COL7A1: variants seen among roughly 807,000 people sequenced by gnomAD.
COL7A1 encodes collagen type VII alpha 1 chain.
Under a neutral mutation model 456.2 loss-of-function variants are expected in COL7A1, and 296 were observed. The observed-to-expected ratio is 0.65, with a 90% CI of 0.59 to 0.71. The LOEUF (loss-of-function observed/expected upper bound fraction) is 0.71, where lower values mean the gene tolerates loss of function less well. Ranked by LOEUF, COL7A1 falls within the 30% of genes least tolerant of loss-of-function variation. COL7A1 has a pLI of 0.00. For synonymous variants in COL7A1, 1,464 were observed against 1,525.9 expected, an observed-to-expected ratio of 0.96 and a Z score of 0.95; for missense variants, 3,441 against 4,017.2, an observed-to-expected ratio of 0.86 and a Z score of 3.88.
At chr3:48,577,647 G>A (rs1415819876) in intron 65 of COL7A1, among the ~76,000 whole-genome samples, 2 of 152,214 alleles carry the variant, frequency 1.3e-5, no homozygotes, top group Admixed American at 6.5e-5. Flanking sequence ...TTGGGTCCAT[G>A]TCTTAGCACA....
At position 48,580,826 on chromosome 3, in the gene COL7A1, A is replaced by C. The variant is rs1575456096; in HGVS notation, c.4980+56T>G. 6.2e-7 allele frequency: 1 copy of C among 1,610,290 alleles called. No individual in the cohort carries two copies. Among genetic ancestry groups the C allele is most frequent in the East Asian group, 2.2e-5 (1 of 44,854 alleles). On this transcript the variant is annotated intron_variant, in intron 54 of 118. Transcript: ENST00000681320. The surrounding 1 kb of genome is among the most constrained non-coding windows in gnomAD (Gnocchi z 4.5). ...CCCCTTACCCCCCTCAGCCTTTCCTATCACCTTCATGCCCACCTCCCATCA... is the reference window on the plus strand; with the variant it reads ...CCCCTTACCCCCCTCAGCCTTTCCTCTCACCTTCATGCCCACCTCCCATCA...
At position 48,569,626 on chromosome 3, in the gene COL7A1, C is replaced by T. The variant is rs906208330; in HGVS notation, c.7580G>A (p.Gly2527Glu). Residue 2527 changes from glycine to glutamate, a missense_variant, in exon 102 of 119, where the codon GGG becomes GAG. By Grantham distance (98) the Gly-to-Glu change is moderately conservative. Coordinates refer to ENST00000681320, the MANE Select transcript of COL7A1 (RefSeq NM_000094.4). The surrounding 1 kb of genome is among the most constrained non-coding windows in gnomAD (Gnocchi z 4.9). ...CTTGGCACCCCGTGGGCCTGGAGGC[C>T]CCAGGATCACAGCTGAGTCTCCCTG... ...GDKGDSAVIL[G>E]PPGPRGAKGD... 7 of 1,613,720 alleles carry T rather than the reference C, an allele frequency of 4.3e-6. No individual in the cohort carries two copies. The highest frequency in any genetic ancestry group is 1.1e-5 in the South Asian group (1 of 91,092).
chr3:48,582,442 A>C, intron 46 of COL7A1, 36 bp downstream of exon 46: 1 of 1,614,100 alleles, frequency 6.2e-7, no homozygotes, highest in Non-Finnish European at 8.5e-7. Flanking sequence ...CCACATCCCT[A>C]GTACCAGACA....
In COL7A1 at chr3:48,570,120, C is replaced by G; in HGVS notation, c.7485+14G>C. On this transcript the variant is annotated intron_variant, in intron 99 of 118. Coordinates refer to ENST00000681320, the MANE Select transcript of COL7A1 (RefSeq NM_000094.4). The surrounding 1 kb of genome is among the most constrained non-coding windows in gnomAD (Gnocchi z 5.5). ...TGAAGTCACAGCACTGTCACTTTCC[C>G]CAGCGGGACCCACCGTGAGTCCTCG... The G allele has an allele frequency of 6.8e-6, 11 of 1,614,084 alleles. No homozygotes were observed. Among genetic ancestry groups the G allele is most frequent in the Non-Finnish European group, 9.3e-6 (11 of 1,179,994 alleles).
chr3:48,580,249 C>T lies in COL7A1; in HGVS notation c.5097+51G>A, dbSNP rs754250736. On this transcript the variant is annotated intron_variant, in intron 56 of 118. Coordinates refer to ENST00000681320, the MANE Select transcript of COL7A1 (RefSeq NM_000094.4). The surrounding 1 kb of genome is among the most constrained non-coding windows in gnomAD (Gnocchi z 4.5). ...TTGTGTGAAGGCACACTGGCAGCAG[C>T]GCCAGGGGACCCTCCATCCCTTCTG... 2.1e-5 allele frequency: 33 copies of T among 1,594,700 alleles called. No homozygotes were observed. The highest frequency in any genetic ancestry group is 5.1e-5 in the Admixed American group (3 of 58,376).
Position 48,594,552 on chromosome 3 carries a change from G to T in COL7A1, c.86-4C>A. ...GCGTAAAGGCGCGTGCAGGTCACTG[G>T]GGCGGGCAGGAGAGATCAGGGCCTC... On this transcript the variant is annotated splice_polypyrimidine_tract_variant and splice_region_variant and intron_variant, in intron 2 of 118. Transcript: ENST00000681320. This position sits in a 1 kb window ranked among gnomAD's most constrained non-coding sequence, Gnocchi z 5.5. 4 of 1,581,326 alleles carry T rather than the reference G, an allele frequency of 2.5e-6. No homozygotes were observed. Among genetic ancestry groups the T allele is most frequent in the East Asian group, 4.7e-5 (2 of 42,966 alleles).
In COL7A1 at chr3:48,581,852, G is replaced by A. The variant is rs924160907; in HGVS notation, c.4668+59C>T. Reference sequence around the variant, plus strand: ...GTGACCCCCCAAGTCCCATAGATAGGCCCTATGACCTAGACCTCAACCCTG... The same window carrying A: ...GTGACCCCCCAAGTCCCATAGATAGACCCTATGACCTAGACCTCAACCCTG... On this transcript the variant is annotated intron_variant, in intron 48 of 118. Coordinates refer to ENST00000681320, the MANE Select transcript of COL7A1 (RefSeq NM_000094.4). This position sits in a 1 kb window ranked among gnomAD's most constrained non-coding sequence, Gnocchi z 5.8. The A allele has an allele frequency of 6.2e-7, 1 of 1,612,952 alleles. No individual in the cohort carries two copies. The highest frequency in any genetic ancestry group is 1.7e-5 in the Admixed American group (1 of 60,016).
rs1230676159 is a variant in COL7A1, at chr3:48,583,203, GA to G, written c.4438-33del. On this transcript the variant is annotated intron_variant, in intron 42 of 118. Coordinates refer to ENST00000681320, the MANE Select transcript of COL7A1 (RefSeq NM_000094.4). This position sits in a 1 kb window ranked among gnomAD's most constrained non-coding sequence, Gnocchi z 5.1. ...AGAGAGGGTGAGAGAAAGACAGAGAGAGAGAGGGTTGGTGGCGGGGCTTGAA... is the reference window on the plus strand; with the variant it reads ...AGAGAGGGTGAGAGAAAGACAGAGAGGAGAGGGTTGGTGGCGGGGCTTGAA... The G allele has an allele frequency of 6.2e-7, 1 of 1,612,934 alleles. No individual in the cohort carries two copies. Among genetic ancestry groups the G allele is most frequent in the African/African-American group, 1.3e-5 (1 of 74,858 alleles).
chr3:48,567,506 G>C lies in COL7A1; in HGVS notation c.8046+68C>G. On this transcript the variant is annotated intron_variant, in intron 109 of 118. Transcript: ENST00000681320. This position sits in a 1 kb window ranked among gnomAD's most constrained non-coding sequence, Gnocchi z 4.3. Reference sequence around the variant, plus strand: ...GCCTTCCTTGTCCCTACACCCCCATGACCCGACCATGAGCTTCCCTGCCCC... The same window carrying C: ...GCCTTCCTTGTCCCTACACCCCCATCACCCGACCATGAGCTTCCCTGCCCC... 1 of 1,602,846 alleles carries C rather than the reference G, an allele frequency of 6.2e-7. No homozygotes were observed. Among genetic ancestry groups the C allele is most frequent in the South Asian group, 1.1e-5 (1 of 90,558 alleles).
In COL7A1 at chr3:48,586,185, C is replaced by T. The variant is rs762604188; in HGVS notation, c.3612G>A (p.Ala1204=). The stretch of plus-strand genomic sequence containing the variant: ...AGGTCTGGACAGAGTCCATACCCGG[C>T]GCCAAGCGACGCAGCTGCTCTGGGT... ...GADPEQLRRL[A]PGMDSVQTFF... The change falls in exon 28 of 119, where the codon GCG becomes GCA. Residue 1204 remains alanine, a synonymous_variant. Coordinates refer to ENST00000681320, the MANE Select transcript of COL7A1 (RefSeq NM_000094.4). This position sits in a 1 kb window ranked among gnomAD's most constrained non-coding sequence, Gnocchi z 5.1. 43 of 1,613,248 alleles carry T rather than the reference C, an allele frequency of 2.7e-5. No homozygotes were observed. Among genetic ancestry groups the T allele is most frequent in the African/African-American group, 6.7e-5 (5 of 74,930 alleles).
rs2044259897 is a variant in COL7A1, at chr3:48,575,797, CT to C, written c.5857-50del. 1 of 1,613,902 alleles carries C rather than the reference CT, an allele frequency of 6.2e-7. No homozygotes were observed. The highest frequency in any genetic ancestry group is 1.7e-5 in the Admixed American group (1 of 60,010). ...GGAGCGGGGTGCGTCGCCGCAGCCC[CT>C]ATGCCTGTGGGCACCACTAGCCCCA... On this transcript the variant is annotated intron_variant, in intron 72 of 118. Coordinates refer to ENST00000681320, the MANE Select transcript of COL7A1 (RefSeq NM_000094.4). The surrounding 1 kb of genome is among the most constrained non-coding windows in gnomAD (Gnocchi z 6.3).
In COL7A1 at chr3:48,595,282, G is replaced by A. The variant is rs1218550543; in HGVS notation, c.-16C>T. 53 of 767,704 alleles carry A rather than the reference G, an allele frequency of 6.9e-5. No individual in the cohort carries two copies. Among genetic ancestry groups the A allele is most frequent in the Non-Finnish European group, 2.9e-5 (13 of 449,436 alleles). The allele number at this position is 767,704 out of a possible 1,614,324, so 47.6% of individuals were successfully genotyped here. ...CCTGGTCTTGCCTGCGCGTCCGCCCGCTCCCGCCGCCGCCGCTGCAGTCTC... is the reference window on the plus strand; with the variant it reads ...CCTGGTCTTGCCTGCGCGTCCGCCCACTCCCGCCGCCGCCGCTGCAGTCTC... On this transcript the variant is annotated 5_prime_UTR_variant, in exon 1 of 119. Coordinates refer to ENST00000681320, the MANE Select transcript of COL7A1 (RefSeq NM_000094.4).
rs752875695 is a variant in COL7A1, at chr3:48,570,201, T to C, written c.7441-23A>G. 4.5e-5 allele frequency: 73 copies of C among 1,613,988 alleles called. No homozygotes were observed. In the Middle Eastern group the frequency reaches 8.2e-4, roughly 18 times the overall value. On this transcript the variant is annotated intron_variant, in intron 98 of 118. Coordinates refer to ENST00000681320, the MANE Select transcript of COL7A1 (RefSeq NM_000094.4). The surrounding 1 kb of genome is among the most constrained non-coding windows in gnomAD (Gnocchi z 5.5). ...ACCCTGGATGGTGACATTAGGTTCA[T>C]TGACTCAGAGGTTGGAAATCAGAGG...
At position 48,571,786 on chromosome 3, in the gene COL7A1, A is replaced by T. The variant is rs2043937345; in HGVS notation, c.7068+215T>A. 1.5e-6 allele frequency: 1 copy of T among 648,056 alleles called. No homozygotes were observed. Among genetic ancestry groups the T allele is most frequent in the Non-Finnish European group, 2.8e-6 (1 of 361,766 alleles). The allele number at this position is 648,056 out of a possible 1,614,324, so 40.1% of individuals were successfully genotyped here. ...AGATGTGGTGAGAAACAGACCAAGGATGGGCACACAGAAGCCAAGACAGGG... is the reference window on the plus strand; with the variant it reads ...AGATGTGGTGAGAAACAGACCAAGGTTGGGCACACAGAAGCCAAGACAGGG... On this transcript the variant is annotated intron_variant, in intron 92 of 118. Transcript: ENST00000681320. This position sits in a 1 kb window ranked among gnomAD's most constrained non-coding sequence, Gnocchi z 4.6.
chr3:48,572,875 C>T lies in COL7A1; in HGVS notation c.6818G>A (p.Ser2273Asn), dbSNP rs1394275573. The part of the protein sequence containing the change: ...GASGKDGDRG[S>N]PGVPGSPGLP... ...CAGAACACATACTGGCACACCAGGGCTCCCTCTGTCTCCATCTTTTCCACT... is the reference window on the plus strand; with the variant it reads ...CAGAACACATACTGGCACACCAGGGTTCCCTCTGTCTCCATCTTTTCCACT... Residue 2273 changes from serine (S) to asparagine (N), a missense_variant, in exon 87 of 119, where the codon AGC becomes AAC. By Grantham distance (46) the Ser-to-Asn change is conservative (BLOSUM62 1). Coordinates refer to ENST00000681320, the MANE Select transcript of COL7A1 (RefSeq NM_000094.4). This position sits in a 1 kb window ranked among gnomAD's most constrained non-coding sequence, Gnocchi z 4.6. 4.3e-6 allele frequency: 7 copies of T among 1,614,056 alleles called. No homozygotes were observed. In the East Asian group the frequency reaches 8.9e-5, roughly 21 times the overall value.
intron 47 of COL7A1, 57 bp downstream of exon 47, chr3:48,582,266 G>A (rs2044816916): frequency 1.9e-6 from 3 of 1,613,008 alleles, no homozygotes; most frequent in Non-Finnish European, 2.5e-6. Flanking sequence ...TGTTCTATAG[G>A]AGGGTCACTG....
chr3:48,584,161 T>G, intron 37 of COL7A1, 100 bp from the exon 38 acceptor site: 1 of 1,602,590 alleles, frequency 6.2e-7, no homozygotes, highest in East Asian at 2.2e-5. Context: ...TTTCAAGGAT[T>G]TTGGGAGAAC....
rs1449111857 is a variant in COL7A1, at chr3:48,585,935, C to T, written c.3759+5G>A. ...TCTGTTCACCTCTCGATGAGGGACT[C>T]TTACCTTTGGACAATACACTGGGCA... is the stretch of plus-strand genomic sequence containing the variant. On this transcript the variant is annotated splice_donor_5th_base_variant and intron_variant, in intron 29 of 118. Coordinates refer to ENST00000681320, the MANE Select transcript of COL7A1 (RefSeq NM_000094.4). This position sits in a 1 kb window ranked among gnomAD's most constrained non-coding sequence, Gnocchi z 4.5. The T allele has an allele frequency of 6.2e-7, 1 of 1,614,144 alleles. No homozygotes were observed.
chr3:48,571,817 A>C lies in COL7A1; in HGVS notation c.7068+184T>G, dbSNP rs963227370. The C allele has an allele frequency of 4.1e-6, 3 of 728,258 alleles. No homozygotes were observed. The highest frequency in any genetic ancestry group is 3.5e-5 in the African/African-American group (2 of 56,734). 45.1% of individuals were successfully genotyped at this position (728,258 alleles called of 1,614,324 possible). A position where few individuals can be genotyped will look rare whatever the true frequency, so the allele number is the denominator to read the frequency against. On this transcript the variant is annotated intron_variant, in intron 92 of 118. Coordinates refer to ENST00000681320, the MANE Select transcript of COL7A1 (RefSeq NM_000094.4). The surrounding 1 kb of genome is among the most constrained non-coding windows in gnomAD (Gnocchi z 4.6). Reference sequence around the variant, plus strand: ...ACACAGAAGCCAAGACAGGGCCCCCAGAGCTCAGAGTGTGGAAGCCGACAG... The same window carrying C: ...ACACAGAAGCCAAGACAGGGCCCCCCGAGCTCAGAGTGTGGAAGCCGACAG...
Sources: gnomAD v4.1 joint callset for allele counts (sites outside exome capture counted in the v4.1 genomes callset) on GRCh38, gnomAD v4.1.1 for gene constraint, Gnocchi (gnomAD v3.1) non-coding constraint, MANE v1.5 for transcripts, NCBI Gene and HGNC (gene_info 2026-07-23, HGNC 2026-07-21) for gene names.